FHIT: variants seen among roughly 807,000 people sequenced by gnomAD.
FHIT encodes the protein bis(5'-adenosyl)-triphosphatase.
Under a neutral mutation model 17.9 loss-of-function variants are expected in FHIT, and 19 were observed. That is an observed-to-expected ratio of 1.06 (90% CI 0.74 to 1.56). The LOEUF is 1.56. Ranked by LOEUF, FHIT falls within the 40% of genes most tolerant of loss-of-function variation. The pLI is 0.00. For synonymous variants in FHIT, 81 were observed against 69.7 expected, an observed-to-expected ratio of 1.16 and a Z score of -0.81; for missense variants, 248 against 189.2, an observed-to-expected ratio of 1.31 and a Z score of -1.82.
rs143060449 is a variant in FHIT, at chr3:60,784,476, C to T, written c.-18+37443G>A. ...TCAGCCTGCTGAGTAGCTGGGACTACAGGCGTGCCCCACCACACTCAGCTA... is the reference window on the plus strand; with the variant it reads ...TCAGCCTGCTGAGTAGCTGGGACTATAGGCGTGCCCCACCACACTCAGCTA... On this transcript the variant is annotated intron_variant, in intron 4 of 9. Transcript: ENST00000492590. 7.1e-3 allele frequency among the ~76,000 whole-genome samples: 1,081 copies of T among 152,222 alleles called. 17 individuals are homozygous for T. Among genetic ancestry groups the T allele is most frequent in the African/African-American group, 0.025 (1,025 of 41,522 alleles).
At chr3:59,855,059 T>A (rs2106812389) in intron 8 of FHIT, among the ~76,000 whole-genome samples, 1 of 152,352 alleles carries the variant, frequency 6.6e-6, no homozygotes, top group South Asian at 2.1e-4. Flanking sequence ...GATTCAATAC[T>A]AATTGCACTC....
intron 7 of FHIT, among the ~76,000 whole-genome samples, chr3:59,989,111 T>C (rs1709113875): frequency 6.6e-6 from 1 of 151,948 alleles, no homozygotes; most frequent in African/African-American, 2.4e-5. Flanking sequence ...TACCTGGAAA[T>C]TGGAAAAAAT....
intron 8 of FHIT, among the ~76,000 whole-genome samples, chr3:59,894,199 C>A (rs570978616): frequency 6.6e-6 from 1 of 152,120 alleles, no homozygotes; most frequent in Non-Finnish European, 1.5e-5. Flanking sequence ...GAGCCATGAT[C>A]ATACCACTGT....
chr3:60,423,430 G>C (rs1338069652), intron 5 of FHIT, among the ~76,000 whole-genome samples: 2 of 152,084 alleles, frequency 1.3e-5, no homozygotes, highest in Non-Finnish European at 2.9e-5. Flanking sequence ...TTTCTCAACA[G>C]CTTGTCTAAA....
At chr3:61,250,219 G>T (rs1215045152) in intron 1 of FHIT, among the ~76,000 whole-genome samples, 2 of 152,236 alleles carry the variant, frequency 1.3e-5, no homozygotes, top group Non-Finnish European at 1.5e-5. Flanking sequence ...AGGCGGGACT[G>T]CAACTCCCAG....
chr3:61,139,826 C>G (rs939235815), intron 2 of FHIT, among the ~76,000 whole-genome samples: 2 of 152,042 alleles, frequency 1.3e-5, no homozygotes, highest in African/African-American at 2.4e-5. Flanking sequence ...ATTTGAATAG[C>G]AAGAGCGGTC....
At chr3:60,839,497 T>C (rs1270298465) in intron 3 of FHIT, among the ~76,000 whole-genome samples, 2 of 152,242 alleles carry the variant, frequency 1.3e-5, no homozygotes, top group Admixed American at 6.5e-5. Context: ...TCTGATTCCC[T>C]GGCATTTGTC....
intron 8 of FHIT, among the ~76,000 whole-genome samples, chr3:59,820,878 A>G (rs1700762292): frequency 1.3e-5 from 2 of 152,208 alleles, no homozygotes; most frequent in African/African-American, 2.4e-5. Flanking sequence ...TGAATGGATA[A>G]AAGTATGAGA....
intron 5 of FHIT, among the ~76,000 whole-genome samples, chr3:60,295,685 G>C (rs757012295): frequency 1.3e-5 from 2 of 152,110 alleles, no homozygotes; most frequent in Non-Finnish European, 2.9e-5. Context: ...GTAGTAGGTT[G>C]TAAGGCAGTT....
rs559361422 is a variant in FHIT, at chr3:61,078,467, C to T, written c.-163-36368G>A. Among the ~76,000 whole-genome samples, 16 of 152,106 alleles carry T rather than the reference C, an allele frequency of 1.1e-4. No individual in the cohort carries two copies. The South Asian group carries it at 2.7e-3, about 26-fold the overall frequency. Reference sequence around the variant, plus strand: ...TTCTCTCTGTGGCTTCTAGGAAGAACGAGTGGAAAACATTACACAGGCACC... The same window carrying T: ...TTCTCTCTGTGGCTTCTAGGAAGAATGAGTGGAAAACATTACACAGGCACC... On this transcript the variant is annotated intron_variant, in intron 2 of 9. Coordinates refer to ENST00000492590, the MANE Select transcript of FHIT (RefSeq NM_002012.4).
At chr3:60,340,007 T>C (rs2106894506) in intron 5 of FHIT, among the ~76,000 whole-genome samples, 1 of 152,296 alleles carries the variant, frequency 6.6e-6, no homozygotes, top group East Asian at 1.9e-4. Flanking sequence ...TGATTTTAAA[T>C]GCAAACATGT....
intron 5 of FHIT, among the ~76,000 whole-genome samples, chr3:60,510,252 G>C (rs1178697758): frequency 6.6e-6 from 1 of 152,154 alleles, no homozygotes; most frequent in Admixed American, 6.5e-5. Flanking sequence ...AGTTAAGCCA[G>C]GATTGATGGG....
chr3:60,348,446 T>C (rs1023303325), intron 5 of FHIT, among the ~76,000 whole-genome samples: 1 of 152,178 alleles, frequency 6.6e-6, no homozygotes, highest in African/African-American at 2.4e-5. Flanking sequence ...TTTTTGGGTT[T>C]TTTTTTCACA....
intron 2 of FHIT, among the ~76,000 whole-genome samples, chr3:61,144,077 T>C (rs1416606608): frequency 6.6e-6 from 1 of 152,206 alleles, no homozygotes; most frequent in East Asian, 1.9e-4. Context: ...AATTCACCCA[T>C]TTAAACTGTA....
chr3:60,153,128 AC>A (rs1700538486), intron 5 of FHIT, among the ~76,000 whole-genome samples: 1 of 152,154 alleles, frequency 6.6e-6, no homozygotes, highest in East Asian at 1.9e-4. Flanking sequence ...TTTACCAAGC[AC>A]CTTTATTTTC....
chr3:61,122,556 G>C (rs2106927027), intron 2 of FHIT, among the ~76,000 whole-genome samples: 1 of 152,328 alleles, frequency 6.6e-6, no homozygotes, highest in East Asian at 1.9e-4. Flanking sequence ...ACTACGATCA[G>C]AGTGAACAGG....
intron 5 of FHIT, among the ~76,000 whole-genome samples, chr3:60,089,314 AT>A (rs1391514555): frequency 6.6e-6 from 1 of 152,104 alleles, no homozygotes. Context: ...TTTTTAGTAT[AT>A]TTTTGGGTTT....
chr3:60,704,112 T>C (rs994860394), intron 4 of FHIT, among the ~76,000 whole-genome samples: 13 of 152,122 alleles, frequency 8.5e-5, no homozygotes, highest in Non-Finnish European at 1.8e-4. Flanking sequence ...AAGACGACAG[T>C]CTTCCAAGAA....
At chr3:60,440,504 T>C (rs1164208040) in intron 5 of FHIT, among the ~76,000 whole-genome samples, 1 of 152,138 alleles carries the variant, frequency 6.6e-6, no homozygotes, top group African/African-American at 2.4e-5. Context: ...CCTACGCCTG[T>C]AACTTTACCT....
Sources: gnomAD v4.1 joint callset for allele counts (sites outside exome capture counted in the v4.1 genomes callset) on GRCh38, gnomAD v4.1.1 for gene constraint, MANE v1.5 for transcripts, NCBI Gene and HGNC (gene_info 2026-07-23, HGNC 2026-07-21) for gene names.